Variants in TPST1 observed in about 807,000 individuals in gnomAD.
The protein encoded by TPST1 is protein-tyrosine sulfotransferase 1.
Under a neutral mutation model 34.8 loss-of-function variants are expected in TPST1, and 20 were observed. The ratio of observed to expected loss-of-function variants is 0.57; its 90% CI spans 0.40 to 0.84. The LOEUF (loss-of-function observed/expected upper bound fraction) is 0.84, where lower values mean the gene tolerates loss of function less well. Among genes scored for constraint, TPST1 ranks in the 40% least tolerant of loss-of-function variants. The probability of loss-of-function intolerance (pLI) is 0.00; values close to 1 mark genes in which losing one functional copy is unlikely to be tolerated. For missense variants in TPST1, 353 were observed against 455.5 expected, an observed-to-expected ratio of 0.78 and a Z score of 2.05; for synonymous variants, 152 against 159.4, an observed-to-expected ratio of 0.95 and a Z score of 0.35.
In TPST1 at chr7:66,227,914, A is replaced by C. The variant is rs537748402; in HGVS notation, c.-101-12411A>C. Among the ~76,000 whole-genome samples, 4 of 152,314 alleles carry C rather than the reference A, an allele frequency of 2.6e-5. No individual in the cohort carries two copies. The East Asian group carries it at 7.7e-4, about 29-fold the overall frequency. ...AAATACAAGAATAGTTATCATAGTAATATATCACAGTAATGAAGATTTAAA... is the reference window on the plus strand; with the variant it reads ...AAATACAAGAATAGTTATCATAGTACTATATCACAGTAATGAAGATTTAAA... On this transcript the variant is annotated intron_variant, in intron 1 of 5. Coordinates refer to ENST00000304842, the MANE Select transcript of TPST1 (RefSeq NM_003596.4).
At chr7:66,253,052 T>A (rs888821312) in intron 2 of TPST1, among the ~76,000 whole-genome samples, 1 of 152,156 alleles carries the variant, frequency 6.6e-6, no homozygotes, top group Non-Finnish European at 1.5e-5. Context: ...GGGGAAAAAT[T>A]CCACAGAGTT....
intron 5 of TPST1, among the ~76,000 whole-genome samples, chr7:66,357,593 C>T (rs940233884): frequency 2.6e-5 from 4 of 152,188 alleles, no homozygotes; most frequent in Non-Finnish European, 5.9e-5. Flanking sequence ...CCTCATCAGG[C>T]ACATGTCCAG....
chr7:66,297,911 A>C (rs1791234707), intron 3 of TPST1, among the ~76,000 whole-genome samples: 1 of 152,202 alleles, frequency 6.6e-6, no homozygotes, highest in Non-Finnish European at 1.5e-5. Flanking sequence ...AGGTCTCCTC[A>C]CTTAAAATTC....
chr7:66,334,876 T>C (rs1792064758), intron 3 of TPST1, among the ~76,000 whole-genome samples: 2 of 152,146 alleles, frequency 1.3e-5, no homozygotes, highest in Admixed American at 1.3e-4. Flanking sequence ...TCCTCACTGG[T>C]CTGGGAATCT....
At chr7:66,318,659 G>A (rs1791687127) in intron 3 of TPST1, among the ~76,000 whole-genome samples, 1 of 152,084 alleles carries the variant, frequency 6.6e-6, no homozygotes, top group South Asian at 2.1e-4. Flanking sequence ...TAGAGATGGG[G>A]TTTCACCATG....
At chr7:66,221,388 T>A (rs1789539924) in intron 1 of TPST1, among the ~76,000 whole-genome samples, 1 of 152,100 alleles carries the variant, frequency 6.6e-6, no homozygotes, top group African/African-American at 2.4e-5. Context: ...TACATAAAGG[T>A]TCCCTGGTTT....
At chr7:66,257,130 G>A (rs1330719693) in intron 2 of TPST1, among the ~76,000 whole-genome samples, 1 of 151,944 alleles carries the variant, frequency 6.6e-6, no homozygotes, top group Admixed American at 6.6e-5. Flanking sequence ...TATTTTTAGT[G>A]GAGATAGGGT....
At chr7:66,328,874 C>G (rs1303363912) in intron 3 of TPST1, among the ~76,000 whole-genome samples, 1 of 24,054 alleles carries the variant, frequency 4.2e-5, no homozygotes, top group East Asian at 7.1e-4. Flanking sequence ...CTCTCTCTCT[C>G]TCTCTCTCTC....
intron 3 of TPST1, among the ~76,000 whole-genome samples, chr7:66,328,437 CAG>C (rs1353752952): frequency 1.3e-5 from 2 of 152,300 alleles, no homozygotes; most frequent in South Asian, 2.1e-4. Context: ...GTAGTTGGAA[CAG>C]AGACTGTGGT....
chr7:66,246,677 AG>A (rs1404614004), intron 2 of TPST1, among the ~76,000 whole-genome samples: 1 of 152,202 alleles, frequency 6.6e-6, no homozygotes, highest in Admixed American at 6.5e-5. Context: ...ACTATGTAGA[AG>A]GCAGACCAGG....
At chr7:66,247,541 G>T (rs1790172971) in intron 2 of TPST1, among the ~76,000 whole-genome samples, 7 of 152,136 alleles carry the variant, frequency 4.6e-5, no homozygotes, top group Admixed American at 4.6e-4. Context: ...CCTAAAGAAG[G>T]GTTTCCTCAA....
intron 1 of TPST1, among the ~76,000 whole-genome samples, chr7:66,233,855 T>C (rs1408506746): frequency 3.9e-5 from 6 of 152,212 alleles, no homozygotes; most frequent in Admixed American, 2.6e-4. Context: ...TTCATTGGCC[T>C]ACTTCCTGCT....
At chr7:66,336,729 C>T (rs1323680656) in intron 3 of TPST1, among the ~76,000 whole-genome samples, 1 of 152,174 alleles carries the variant, frequency 6.6e-6, no homozygotes, top group East Asian at 1.9e-4. Flanking sequence ...AGAAAGATGA[C>T]ACTGTCTAGG....
At chr7:66,270,408 C>G (rs377518316) in intron 2 of TPST1, among the ~76,000 whole-genome samples, 11 of 152,126 alleles carry the variant, frequency 7.2e-5, no homozygotes, top group African/African-American at 2.7e-4. Context: ...TTTCATGTAC[C>G]CTATCCCAAA....
chr7:66,215,770 T>C (rs2116250122), intron 1 of TPST1, among the ~76,000 whole-genome samples: 1 of 127,398 alleles, frequency 7.8e-6, no homozygotes, highest in East Asian at 2.3e-4. Flanking sequence ...TTTTTCTTTT[T>C]CTTTCTTTTT....
At chr7:66,281,485 T>C (rs1441416559) in intron 2 of TPST1, among the ~76,000 whole-genome samples, 5 of 152,192 alleles carry the variant, frequency 3.3e-5, no homozygotes, top group African/African-American at 9.7e-5. Flanking sequence ...GTAGGTTTTT[T>C]AGTACTAATT....
intron 3 of TPST1, among the ~76,000 whole-genome samples, chr7:66,344,785 G>A (rs1440219081): frequency 6.7e-6 from 1 of 148,636 alleles, no homozygotes; most frequent in African/African-American, 2.5e-5. Flanking sequence ...GTACAGTGGT[G>A]CAATCTCGGC....
chr7:66,230,385 C>T (rs746209825), intron 1 of TPST1, among the ~76,000 whole-genome samples: 19 of 152,286 alleles, frequency 1.2e-4, no homozygotes, highest in East Asian at 5.8e-4. Flanking sequence ...AGAATGAAGC[C>T]GCGGACCCTC....
intron 2 of TPST1, among the ~76,000 whole-genome samples, chr7:66,249,912 C>A (rs1360532457): frequency 1.3e-5 from 2 of 152,162 alleles, no homozygotes; most frequent in Non-Finnish European, 1.5e-5. Flanking sequence ...TCTCCAAGGC[C>A]CCCCTCTGTC....
Sources: gnomAD v4.1 joint callset for allele counts (sites outside exome capture counted in the v4.1 genomes callset) on GRCh38, gnomAD v4.1.1 for gene constraint, MANE v1.5 for transcripts, NCBI Gene and HGNC (gene_info 2026-07-23, HGNC 2026-07-21) for gene names.